Variants in DSCAML1 observed in about 807,000 individuals in gnomAD.
The protein encoded by DSCAML1 is DS cell adhesion molecule like 1.
Under a neutral mutation model 200.5 loss-of-function variants are expected in DSCAML1, and 38 were observed. That is an observed-to-expected ratio of 0.19 (90% CI 0.15 to 0.25). The LOEUF (loss-of-function observed/expected upper bound fraction) is 0.25. Among genes scored for constraint, DSCAML1 ranks in the 10% least tolerant of loss-of-function variants. The pLI is 1.00. For missense variants in DSCAML1, 2,223 were observed against 2,858.8 expected, an observed-to-expected ratio of 0.78 and a Z score of 5.07; for synonymous variants, 1,215 against 1,165.0, an observed-to-expected ratio of 1.04 and a Z score of -0.87.
intron 3 of DSCAML1, among the ~76,000 whole-genome samples, chr11:117,556,521 GTTAA>G (rs56361817): frequency 0.71 from 94,029 of 133,310 alleles, 29,222 homozygotes; most frequent in Admixed American, 0.72. Context: ...ATCTTTTCCA[GTTAA>G]TTTCTCTCAC....
At chr11:117,632,097 T>C (rs1350162766) in intron 3 of DSCAML1, among the ~76,000 whole-genome samples, 2 of 152,238 alleles carry the variant, frequency 1.3e-5, no homozygotes, top group African/African-American at 4.8e-5. Flanking sequence ...GTCCTATCCC[T>C]GCTCAGCAGA....
intron 19 of DSCAML1, among the ~76,000 whole-genome samples, chr11:117,453,513 TATA>T (rs961390053): frequency 5.3e-5 from 8 of 152,170 alleles, no homozygotes; most frequent in African/African-American, 1.9e-4. Context: ...TTTTGTTAGG[TATA>T]ATATCATAGG....
intron 1 of DSCAML1, among the ~76,000 whole-genome samples, chr11:117,787,952 T>C (rs565790454): frequency 2.0e-5 from 3 of 152,142 alleles, no homozygotes; most frequent in Admixed American, 6.5e-5. Flanking sequence ...AAATTGGTTC[T>C]AGAGAGGATC....
chr11:117,482,664 G>C (rs2048953229), intron 11 of DSCAML1, among the ~76,000 whole-genome samples: 1 of 152,122 alleles, frequency 6.6e-6, no homozygotes, highest in Admixed American at 6.5e-5. Context: ...TGTGATGGGA[G>C]CATATCCGAG....
chr11:117,513,151 T>A (rs550808065), intron 8 of DSCAML1, among the ~76,000 whole-genome samples: 7 of 152,138 alleles, frequency 4.6e-5, no homozygotes, highest in Non-Finnish European at 1.0e-4. Context: ...GGGAAATGGA[T>A]ACAGGCGGCC....
chr11:117,594,312 A>G (rs538076321), intron 3 of DSCAML1, among the ~76,000 whole-genome samples: 10 of 152,346 alleles, frequency 6.6e-5, no homozygotes, highest in Admixed American at 5.9e-4. Flanking sequence ...GCAAAGAAGG[A>G]CATTTAGTAT....
At chr11:117,729,221 A>C (rs1479327740) in intron 3 of DSCAML1, among the ~76,000 whole-genome samples, 1 of 152,250 alleles carries the variant, frequency 6.6e-6, no homozygotes, top group African/African-American at 2.4e-5. Flanking sequence ...ATCCACATGC[A>C]AAAGAACGGA....
At chr11:117,552,072 A>T (rs1025140839) in intron 3 of DSCAML1, among the ~76,000 whole-genome samples, 1 of 151,344 alleles carries the variant, frequency 6.6e-6, no homozygotes, top group Admixed American at 6.6e-5. Flanking sequence ...GCTGCGGGGA[A>T]GGGAGAGAGG....
At chr11:117,787,496 G>A (rs12363806) in intron 1 of DSCAML1, among the ~76,000 whole-genome samples, 33,106 of 152,176 alleles carry the variant, frequency 0.22, 4,640 homozygotes, top group Non-Finnish European at 0.31. Context: ...TGTTAAAAAT[G>A]CAGAGCCTTA....
chr11:117,696,627 T>G (rs1232301066), intron 3 of DSCAML1, among the ~76,000 whole-genome samples: 1 of 151,854 alleles, frequency 6.6e-6, no homozygotes, highest in East Asian at 1.9e-4. Context: ...CTGCCTGGCC[T>G]GGGAGCAGCA....
At chr11:117,511,132 A>G (rs1449160746) in intron 8 of DSCAML1, among the ~76,000 whole-genome samples, 2 of 152,170 alleles carry the variant, frequency 1.3e-5, no homozygotes, top group East Asian at 3.9e-4. Context: ...TGGGTGGAGC[A>G]GTGCTGAAGC....
At chr11:117,776,329 G>T (rs1005540550) in intron 3 of DSCAML1, among the ~76,000 whole-genome samples, 1 of 152,096 alleles carries the variant, frequency 6.6e-6, no homozygotes, top group Non-Finnish European at 1.5e-5. Context: ...CCATACACAT[G>T]CTTCCTGAAG....
intron 3 of DSCAML1, among the ~76,000 whole-genome samples, chr11:117,581,002 G>A (rs2051028266): frequency 6.6e-6 from 1 of 152,222 alleles, no homozygotes; most frequent in Admixed American, 6.5e-5. Flanking sequence ...AAACCTCGCA[G>A]TCATTCTTAT....
chr11:117,799,209 CATTG>C (rs1270582422), upstream of DSCAML1, among the ~76,000 whole-genome samples: 2 of 152,176 alleles, frequency 1.3e-5, no homozygotes, highest in Non-Finnish European at 2.9e-5. Context: ...AGGGAACGGT[CATTG>C]AGAGGAATCC....
At chr11:117,457,919 G>A (rs2048404228) in intron 19 of DSCAML1, among the ~76,000 whole-genome samples, 1 of 152,248 alleles carries the variant, frequency 6.6e-6, no homozygotes, top group Non-Finnish European at 1.5e-5. Flanking sequence ...CTGTGTGCCA[G>A]TCGTTTGTCA....
upstream of DSCAML1, chr11:117,797,331 CCCGGAGCCCAGA>C: frequency 7.9e-7 from 1 of 1,267,456 alleles, no homozygotes; most frequent in Non-Finnish European, 1.0e-6. Context: ...GCCGCGCGAG[CCCGGAGCCCAGA>C]CGGACCCCAG....
At chr11:117,566,353 T>TCC (rs1385304588) in intron 3 of DSCAML1, among the ~76,000 whole-genome samples, 1 of 111,890 alleles carries the variant, frequency 8.9e-6, no homozygotes, top group Non-Finnish European at 2.1e-5. Context: ...TCTCTCTCTC[T>TCC]CTCTTTTTTT....
rs570825798 is a variant in DSCAML1, at chr11:117,732,063, T to C, written c.511+44728A>G. 3.9e-5 allele frequency among the ~76,000 whole-genome samples: 6 copies of C among 152,212 alleles called. No homozygotes were observed. In the East Asian group the frequency reaches 9.7e-4, roughly 25 times the overall value. On this transcript the variant is annotated intron_variant, in intron 3 of 32. Transcript: ENST00000651296. ...TGTCCTCCAGGAGTCACATAGCCCT[T>C]ACTGTCCTCCAGGAGTCAAAGGCAC...
rs1477169999 is a variant in DSCAML1 at position 117,463,137 on chromosome 11, C to T, written c.3266-1541G>A. Among the ~76,000 whole-genome samples, 1 of 152,226 alleles carries T rather than the reference C, an allele frequency of 6.6e-6. No individual in the cohort carries two copies. The highest frequency in any genetic ancestry group is 2.4e-5 in the African/African-American group (1 of 41,462). On this transcript the variant is annotated intron_variant, in intron 17 of 32. Coordinates refer to ENST00000651296, the MANE Select transcript of DSCAML1 (RefSeq NM_020693.4). This position sits in a 1 kb window ranked among gnomAD's most constrained non-coding sequence, Gnocchi z 4.0. ...TGCGTCACTTGTTCGTGCATCCAGC[C>T]TTGCTCCCAAGCAAAAGGGAGGCAC...
Sources: gnomAD v4.1 joint callset for allele counts (sites outside exome capture counted in the v4.1 genomes callset) on GRCh38, gnomAD v4.1.1 for gene constraint, Gnocchi (gnomAD v3.1) non-coding constraint, MANE v1.5 for transcripts, NCBI Gene and HGNC (gene_info 2026-07-23, HGNC 2026-07-21) for gene names.